The following PTAFR variants were observed in gnomAD, a reference collection of about 807,000 sequenced individuals.
PTAFR encodes platelet-activating factor receptor.
In PTAFR, 8 loss-of-function variants were observed where a neutral mutation model predicts 14.7. The ratio of observed to expected loss-of-function variants is 0.54; its 90% CI spans 0.32 to 0.98. PTAFR has a LOEUF of 0.98. PTAFR is among the 50% of genes least tolerant of loss of function. The pLI is 0.04. For missense variants in PTAFR, 337 were observed against 451.2 expected (o/e 0.75, Z 2.29); for synonymous variants, 156 against 176.5 (o/e 0.88, Z 0.92).
At chr1:28,181,448 T>A (rs1557697598), upstream of PTAFR, among the ~76,000 whole-genome samples, 1 of 152,138 alleles carries the variant, frequency 6.6e-6, no homozygotes. Flanking sequence ...ACCTGCTTTC[T>A]TCAATAAATA....
chr1:28,154,645 CT>C (rs1453203851), intron 1 of PTAFR, among the ~76,000 whole-genome samples: 1 of 151,848 alleles, frequency 6.6e-6, no homozygotes, highest in African/African-American at 2.4e-5. Flanking sequence ...AACCCCATCT[CT>C]ACTAAAATAC....
chr1:28,175,524 C>T (rs1572044732), intron 1 of PTAFR, among the ~76,000 whole-genome samples: 1 of 152,096 alleles, frequency 6.6e-6, no homozygotes, highest in East Asian at 1.9e-4. Context: ...GGAGAGCAGC[C>T]AGAGGTGTGG....
intron 1 of PTAFR, among the ~76,000 whole-genome samples, chr1:28,172,001 G>T (rs1415297620): frequency 6.6e-6 from 1 of 151,920 alleles, no homozygotes; most frequent in East Asian, 1.9e-4. Context: ...TATGCCTCTG[G>T]TTTTTGTGTG....
At chr1:28,190,249 C>G (rs964940925) in intron 1 of PTAFR, among the ~76,000 whole-genome samples, 1 of 152,130 alleles carries the variant, frequency 6.6e-6, no homozygotes, top group Non-Finnish European at 1.5e-5. Context: ...GGATTACAGG[C>G]GTGAGCCACC....
At chr1:28,154,720 G>A (rs528738489) in intron 1 of PTAFR, among the ~76,000 whole-genome samples, 46 of 149,132 alleles carry the variant, frequency 3.1e-4, no homozygotes, top group African/African-American at 1.0e-3. Flanking sequence ...GCTGAGACAG[G>A]AGAATCGCTT....
At chr1:28,151,474 G>A (rs1646187386) in intron 1 of PTAFR, among the ~76,000 whole-genome samples, 1 of 151,988 alleles carries the variant, frequency 6.6e-6, no homozygotes, top group African/African-American at 2.4e-5. Context: ...CACTGTGCCC[G>A]GCCTCATGTT....
upstream of PTAFR, among the ~76,000 whole-genome samples, chr1:28,180,242 T>C (rs1646550933): frequency 6.6e-6 from 1 of 152,044 alleles, no homozygotes; most frequent in Admixed American, 6.6e-5. Flanking sequence ...AGGATGGACA[T>C]GGTGGCTCAC....
At chr1:28,153,481 C>T (rs1646220254) in intron 1 of PTAFR, among the ~76,000 whole-genome samples, 1 of 150,412 alleles carries the variant, frequency 6.6e-6, no homozygotes. Flanking sequence ...CGTGGTGGCT[C>T]ACGCCTGTAA....
intron 1 of PTAFR, among the ~76,000 whole-genome samples, chr1:28,155,512 T>TC (rs1302021365): frequency 1.3e-5 from 2 of 152,004 alleles, no homozygotes; most frequent in Non-Finnish European, 2.9e-5. Context: ...CTGGCTCCAC[T>TC]CCCCACTTTC....
chr1:28,183,579 G>A (rs558668457), intron 1 of PTAFR, among the ~76,000 whole-genome samples: 29 of 152,126 alleles, frequency 1.9e-4, no homozygotes, highest in Non-Finnish European at 3.7e-4. Context: ...AGTGAGCCGT[G>A]ACTACACCAC....
chr1:28,187,954 C>T (rs567172214), intron 1 of PTAFR, among the ~76,000 whole-genome samples: 35 of 142,752 alleles, frequency 2.5e-4, no homozygotes, highest in Admixed American at 4.1e-4. Flanking sequence ...TGAGGCAGGC[C>T]GATCAATTGA....
At position 28,147,381 on chromosome 1, in the gene PTAFR, G is replaced by C. The variant is rs984063767; in HGVS notation, c.*2612C>G. ...GAGAGAATGTATCCTGACAAGGGAC[G>C]CTCACAGGGCCTAAAGGAAGAGTGC... On this transcript the variant is annotated 3_prime_UTR_variant, in exon 2 of 2. Transcript: ENST00000373857. 1.3e-5 allele frequency: 2 copies of C among 152,122 alleles called. No individual in the cohort carries two copies. The highest frequency in any genetic ancestry group is 1.3e-4 in the Admixed American group (2 of 15,268). 9.4% of individuals were successfully genotyped at this position (152,122 alleles called of 1,614,324 possible). A position where few individuals can be genotyped will look rare whatever the true frequency, so the allele number is the denominator to read the frequency against.
chr1:28,167,633 ATTTTTTTTTT>A (rs780344665), intron 1 of PTAFR, among the ~76,000 whole-genome samples: 6 of 80,234 alleles, frequency 7.5e-5, no homozygotes, highest in Admixed American at 1.4e-4. Context: ...TGAAAACGGG[ATTTTTTTTTT>A]TTTTTTTTTT....
In PTAFR at chr1:28,150,357, C is replaced by T. The variant is rs190496705; in HGVS notation, c.665G>A (p.Arg222His). Residue 222 changes from arginine to histidine, a missense_variant, in exon 2 of 2, where the codon CGC (arginine) becomes CAC (histidine). By Grantham distance (29) the Arg-to-His change is conservative (BLOSUM62 0). Transcript: ENST00000373857. The surrounding 1 kb of genome is among the most constrained non-coding windows in gnomAD (Gnocchi z 6.3). Reference protein sequence around the residue: ...TLLMQPVQQQRNAEVKRRALW... With the variant: ...TLLMQPVQQQHNAEVKRRALW... ...CGCCCGGCGCTTGACTTCAGCGTTG[C>T]GCTGCTGCTGCACCGGCTGCATGAG... 211 of 1,613,996 alleles carry T rather than the reference C, an allele frequency of 1.3e-4. No individual in the cohort carries two copies. Among genetic ancestry groups the T allele is most frequent in the East Asian group, 1.1e-3 (49 of 44,874 alleles).
chr1:28,181,009 T>C (rs1210133940), upstream of PTAFR, among the ~76,000 whole-genome samples: 1 of 152,106 alleles, frequency 6.6e-6, no homozygotes, highest in African/African-American at 2.4e-5. Context: ...TCACTCTGTC[T>C]CCCAAGTTGG....
rs1557682464 is a variant in PTAFR, at chr1:28,148,822, G to C, written c.*1171C>G. ...GGCTGGTCTCGAACTCCGGACCTCA[G>C]GTGATCTGCCTGCCTTGGCCTCCCA... On this transcript the variant is annotated 3_prime_UTR_variant, in exon 2 of 2. Transcript: ENST00000373857. 1 of 152,364 alleles carries C rather than the reference G, an allele frequency of 6.6e-6. No homozygotes were observed. Among genetic ancestry groups the C allele is most frequent in the African/African-American group, 2.4e-5 (1 of 41,466 alleles). The allele number at this position is 152,364 out of a possible 1,614,324, so 9.4% of individuals were successfully genotyped here.
intron 1 of PTAFR, among the ~76,000 whole-genome samples, chr1:28,173,219 T>C (rs1646471139): frequency 6.9e-6 from 1 of 145,772 alleles, no homozygotes; most frequent in African/African-American, 2.6e-5. Context: ...GACCAGGAGT[T>C]CAAGGCTGCA....
intron 1 of PTAFR, among the ~76,000 whole-genome samples, chr1:28,191,588 G>C (rs1208163555): frequency 1.5e-5 from 1 of 68,292 alleles, no homozygotes; most frequent in Non-Finnish European, 3.2e-5. Context: ...AAAAAGAAAA[G>C]AGAGAGAGAG....
At chr1:28,191,891 C>A (rs1646656784) in intron 1 of PTAFR, among the ~76,000 whole-genome samples, 1 of 151,828 alleles carries the variant, frequency 6.6e-6, no homozygotes, top group Non-Finnish European at 1.5e-5. Flanking sequence ...CATGATGAAA[C>A]CCTGTCTCTA....
Sources: gnomAD v4.1 joint callset for allele counts (sites outside exome capture counted in the v4.1 genomes callset) on GRCh38, gnomAD v4.1.1 for gene constraint, Gnocchi (gnomAD v3.1) non-coding constraint, MANE v1.5 for transcripts, NCBI Gene and HGNC (gene_info 2026-07-23, HGNC 2026-07-21) for gene names.